The following ALOX12B variants were observed in gnomAD, a reference collection of about 807,000 sequenced individuals.
The protein encoded by ALOX12B is arachidonate 12-lipoxygenase, 12R type.
ALOX12B carries 47 observed loss-of-function variants against 78.9 expected under a neutral mutation model. The ratio of observed to expected loss-of-function variants is 0.60; its 90% CI spans 0.47 to 0.76. ALOX12B has a LOEUF of 0.76. ALOX12B is among the 30% of genes least tolerant of loss of function. ALOX12B has a pLI of 0.00. For synonymous variants in ALOX12B, 370 were observed against 374.5 expected (o/e 0.99, Z 0.14); for missense variants, 805 against 922.6 (o/e 0.87, Z 1.65).
rs1598184349 is a variant in ALOX12B at position 8,086,093 on chromosome 17, G to A, written c.275C>T (p.Pro92Leu). 6.2e-7 allele frequency: 1 copy of A among 1,614,160 alleles called. No homozygotes were observed. The highest frequency in any genetic ancestry group is 8.5e-7 in the Non-Finnish European group (1 of 1,180,010). ...GGGGAAGTGGTAGATACGGCCGTTGGGGGCACAGATCTGCACATAGTTGCA... is the reference window on the plus strand; with the variant it reads ...GGGGAAGTGGTAGATACGGCCGTTGAGGGCACAGATCTGCACATAGTTGCA... ...WYCNYVQICAPNGRIYHFPAY... is the reference protein window; with the variant it reads ...WYCNYVQICALNGRIYHFPAY... The change falls in exon 2 of 15, where the codon CCC becomes CTC. Residue 92 changes from proline (P) to leucine (L), a missense_variant. By Grantham distance (98) the Pro-to-Leu change is moderately conservative. Transcript: ENST00000647874.
intron 2 of ALOX12B, among the ~76,000 whole-genome samples, chr17:8,082,983 T>C (rs1978289048): frequency 6.6e-6 from 1 of 152,190 alleles, no homozygotes; most frequent in African/African-American, 2.4e-5. Flanking sequence ...AAATCAAGTT[T>C]GTCTGTTTGT....
At position 8,080,330 on chromosome 17, in the gene ALOX12B, G is replaced by T; in HGVS notation, c.659C>A (p.Ala220Asp). Residue 220 changes from alanine to aspartate, a missense_variant, in exon 6 of 15, where the codon GCT becomes GAT. Ala to Asp is a moderately radical substitution (Grantham distance 126). Coordinates refer to ENST00000647874, the MANE Select transcript of ALOX12B (RefSeq NM_001139.3). The surrounding 1 kb of genome is among the most constrained non-coding windows in gnomAD (Gnocchi z 4.8). ...GTCCAACAGGCCGCGGACTTTGAAA[G>T]CCAGTGCCCTAGGAGATGGGATTCC... ...FFVRLGPMAL[A>D]FKVRGLLDCK... is the part of the protein sequence containing the mutation. The T allele has an allele frequency of 6.2e-7, 1 of 1,614,198 alleles. No homozygotes were observed.
chr17:8,072,754 A>G lies in ALOX12B; in HGVS notation c.*17T>C. On this transcript the variant is annotated 3_prime_UTR_variant, in exon 15 of 15. Transcript: ENST00000647874. ...GTAGGGCACAGAATGGGGAGAGGAG[A>G]GACGGGAAGCGCGCTCCTAAATAGA... 1 of 1,613,968 alleles carries G rather than the reference A, an allele frequency of 6.2e-7. No homozygotes were observed. The highest frequency in any genetic ancestry group is 8.5e-7 in the Non-Finnish European group (1 of 1,179,920).
intron 1 of ALOX12B, 145 bp downstream of exon 1, chr17:8,087,151 G>A (rs779673083): frequency 1.4e-5 from 17 of 1,243,658 alleles, no homozygotes; most frequent in African/African-American, 8.6e-5. Context: ...GCCTCTCCTC[G>A]CCAAGCTCAG....
chr17:8,076,639 T>C lies in ALOX12B; in HGVS notation c.1362+18A>G, dbSNP rs926418236. ...AGGAAAACAAATGTCTCGTTGGGGTTGGGGGCAGAAGTCTTACCTTGGCAG... is the reference window on the plus strand; with the variant it reads ...AGGAAAACAAATGTCTCGTTGGGGTCGGGGGCAGAAGTCTTACCTTGGCAG... On this transcript the variant is annotated intron_variant, in intron 10 of 14. Transcript: ENST00000647874. 2.6e-6 allele frequency: 4 copies of C among 1,548,570 alleles called. No individual in the cohort carries two copies. Among genetic ancestry groups the C allele is most frequent in the African/African-American group, 2.7e-5 (2 of 73,070 alleles).
At chr17:8,075,792 AG>A in intron 11 of ALOX12B, 76 bp from the exon 12 acceptor site, 18 of 1,612,500 alleles carry the variant, frequency 1.1e-5, no homozygotes, top group Non-Finnish European at 1.4e-5. Flanking sequence ...CACCTCCCCC[AG>A]GGTGCCCTGA....
Position 8,077,077 on chromosome 17 carries a change from G to A in ALOX12B, c.1188C>T (p.Ile396=), listed in dbSNP as rs1433935195. The change falls in exon 9 of 15, where the codon ATC becomes ATT. Residue 396 remains isoleucine (I), a synonymous_variant. Coordinates refer to ENST00000647874, the MANE Select transcript of ALOX12B (RefSeq NM_001139.3). ...TGAGGTGTGTCTCCAGCAGGTGGGCGATGGCCTCGTGGCTGTAGAACTCCG... is the reference window on the plus strand; with the variant it reads ...TGAGGTGTGTCTCCAGCAGGTGGGCAATGGCCTCGTGGCTGTAGAACTCCG... The part of the protein sequence containing the change: ...RYAEFYSHEA[I]AHLLETHLIA... 1.4e-5 allele frequency: 23 copies of A among 1,613,928 alleles called. No homozygotes were observed. Among genetic ancestry groups the A allele is most frequent in the East Asian group, 1.3e-4 (6 of 44,892 alleles).
At position 8,079,276 on chromosome 17, in the gene ALOX12B, A is replaced by G; in HGVS notation, c.1071+120T>C. 1 of 1,410,598 alleles carries G rather than the reference A, an allele frequency of 7.1e-7. No individual in the cohort carries two copies. Among genetic ancestry groups the G allele is most frequent in the African/African-American group, 1.4e-5 (1 of 69,618 alleles). 87.4% of individuals were successfully genotyped at this position (1,410,598 alleles called of 1,614,324 possible). On this transcript the variant is annotated intron_variant, in intron 8 of 14. Transcript: ENST00000647874. The surrounding 1 kb of genome is among the most constrained non-coding windows in gnomAD (Gnocchi z 6.4). ...GGGAGGTCCTGGAACCAATCTCTCA[A>G]GGATAACGAGAGACGGCTGAATACA...
rs1977169548 is a variant in ALOX12B at position 8,079,837 on chromosome 17, A to G, written c.859T>C (p.Phe287Leu). The change falls in exon 7 of 15, where the codon TTC becomes CTC. Residue 287 changes from phenylalanine (F) to leucine (L), a missense_variant. Transcript: ENST00000647874. This position sits in a 1 kb window ranked among gnomAD's most constrained non-coding sequence, Gnocchi z 6.4. ...GCCACCATGTCGTCTGTGACGGGGA[A>G]CTTGTCTGGGATCCGCGTGCAGCGG... Reference protein sequence around the residue: ...IRRCTRIPDKFPVTDDMVAPF... With the variant: ...IRRCTRIPDKLPVTDDMVAPF... The G allele has an allele frequency of 6.2e-7, 1 of 1,613,446 alleles. No homozygotes were observed. Among genetic ancestry groups the G allele is most frequent in the Non-Finnish European group, 8.5e-7 (1 of 1,179,902 alleles).
At chr17:8,081,262 T>C in intron 2 of ALOX12B, 75 bp from the exon 3 acceptor site, 1 of 1,496,838 alleles carries the variant, frequency 6.7e-7, no homozygotes, top group Non-Finnish European at 9.3e-7. Flanking sequence ...GAGTTCAGCT[T>C]CTGTGCCCCA....
chr17:8,085,612 G>A (rs938166248), intron 2 of ALOX12B, among the ~76,000 whole-genome samples: 2 of 152,198 alleles, frequency 1.3e-5, no homozygotes, highest in African/African-American at 2.4e-5. Context: ...TTTCTGGAGC[G>A]CATATGATTG....
chr17:8,087,262 A>T, intron 1 of ALOX12B, 34 bp downstream of exon 1: 1 of 1,268,786 alleles, frequency 7.9e-7, no homozygotes, highest in Non-Finnish European at 1.0e-6. Flanking sequence ...ACACACAGAC[A>T]CACACACACA....
At position 8,079,368 on chromosome 17, in the gene ALOX12B, G is replaced by A. The variant is rs1262606506; in HGVS notation, c.1071+28C>T. The A allele has an allele frequency of 6.4e-7, 1 of 1,550,802 alleles. No homozygotes were observed. Among genetic ancestry groups the A allele is most frequent in the Non-Finnish European group, 8.7e-7 (1 of 1,147,542 alleles). Reference sequence around the variant, plus strand: ...GAGCATTCGCGCACACAGAGGCTCAGCGGCAGCGCCGCCTGCAGCCCAGGC... The same window carrying A: ...GAGCATTCGCGCACACAGAGGCTCAACGGCAGCGCCGCCTGCAGCCCAGGC... On this transcript the variant is annotated intron_variant, in intron 8 of 14. Transcript: ENST00000647874. This position sits in a 1 kb window ranked among gnomAD's most constrained non-coding sequence, Gnocchi z 6.4.
At chr17:8,073,627 C>T (rs1481321033) in intron 13 of ALOX12B, 30 bp downstream of exon 13, 1 of 1,597,226 alleles carries the variant, frequency 6.3e-7, no homozygotes, top group East Asian at 2.2e-5. Context: ...GAGCCTCGGG[C>T]TGGGCCTGGG....
intron 8 of ALOX12B, among the ~76,000 whole-genome samples, chr17:8,078,190 G>C (rs1298564431): frequency 6.6e-6 from 1 of 150,696 alleles, no homozygotes; most frequent in Non-Finnish European, 1.5e-5. Flanking sequence ...TCTGTCACCA[G>C]GCTGGAGTGC....
Position 8,073,419 on chromosome 17 carries a change from C to T in ALOX12B, c.1756-101G>A, listed in dbSNP as rs545515532. ...CGCCCTCCAGTCGCTGAGATGGACT[C>T]CCCGCCCTTGGCGCTGAGGCTGGGC... On this transcript the variant is annotated intron_variant, in intron 13 of 14. Transcript: ENST00000647874. 11 of 1,523,828 alleles carry T rather than the reference C, an allele frequency of 7.2e-6. No individual in the cohort carries two copies. In the East Asian group the frequency reaches 2.3e-4, roughly 31 times the overall value. 94.4% of individuals were successfully genotyped at this position (1,523,828 alleles called of 1,614,324 possible).
chr17:8,084,133 G>A (rs544782566), intron 2 of ALOX12B, among the ~76,000 whole-genome samples: 4 of 149,700 alleles, frequency 2.7e-5, no homozygotes, highest in South Asian at 4.3e-4. Context: ...ACTCCAGGGC[G>A]ACAGAGCGAG....
chr17:8,079,738 G>C lies in ALOX12B; in HGVS notation c.927+31C>G, dbSNP rs1193761172. 1.2e-6 allele frequency: 2 copies of C among 1,601,508 alleles called. No individual in the cohort carries two copies. Among genetic ancestry groups the C allele is most frequent in the Non-Finnish European group, 1.7e-6 (2 of 1,175,446 alleles). ...ATGCCCGCGAGGGAGGCCGGGAGGA[G>C]GGCCGGGGTCTCCGCCGGAGCGGGC... is the stretch of plus-strand genomic sequence containing the variant. On this transcript the variant is annotated intron_variant, in intron 7 of 14. Coordinates refer to ENST00000647874, the MANE Select transcript of ALOX12B (RefSeq NM_001139.3). The surrounding 1 kb of genome is among the most constrained non-coding windows in gnomAD (Gnocchi z 6.4).
At chr17:8,084,115 G>A (rs886853669) in intron 2 of ALOX12B, among the ~76,000 whole-genome samples, 2 of 151,816 alleles carry the variant, frequency 1.3e-5, no homozygotes, top group Non-Finnish European at 2.9e-5. Context: ...CCGAGATTGC[G>A]CCACTGCACT....
Sources: gnomAD v4.1 joint callset for allele counts (sites outside exome capture counted in the v4.1 genomes callset) on GRCh38, gnomAD v4.1.1 for gene constraint, Gnocchi (gnomAD v3.1) non-coding constraint, MANE v1.5 for transcripts, NCBI Gene and HGNC (gene_info 2026-07-23, HGNC 2026-07-21) for gene names.